Variants in PACRG observed in about 807,000 individuals in gnomAD.
PACRG encodes parkin coregulated, also known as parkin coregulated gene protein.
A neutral mutation model predicts 29.7 loss-of-function variants in PACRG; 29 were observed. The observed-to-expected ratio is 0.98, with a 90% confidence interval of 0.73 to 1.33. The LOEUF is 1.33. Ranked by LOEUF, PACRG falls within the 40% of genes most tolerant of loss-of-function variation. The pLI, the probability that PACRG is intolerant of heterozygous loss-of-function variation, is 0.00. For missense variants in PACRG, 279 were observed against 316.2 expected (o/e 0.88, Z 0.89); for synonymous variants, 116 against 118.7 (o/e 0.98, Z 0.15).
At chr6:163,048,805 AG>A (rs1206145396) in intron 2 of PACRG, among the ~76,000 whole-genome samples, 1 of 152,156 alleles carries the variant, frequency 6.6e-6, no homozygotes, top group East Asian at 1.9e-4. Context: ...GCTATCTTTT[AG>A]TTAATGATTT....
chr6:162,860,375 A>G (rs1278012286), intron 2 of PACRG, among the ~76,000 whole-genome samples: 1 of 152,216 alleles, frequency 6.6e-6, no homozygotes, highest in African/African-American at 2.4e-5. Flanking sequence ...AAAATGGTAC[A>G]GAAAAACGGG....
At chr6:162,805,758 C>A (rs1479387801) in intron 1 of PACRG, among the ~76,000 whole-genome samples, 1 of 152,148 alleles carries the variant, frequency 6.6e-6, no homozygotes, top group African/African-American at 2.4e-5. Flanking sequence ...CCTCAAGAAA[C>A]TACTTTCTTT....
In PACRG at chr6:163,057,891, G is replaced by T. The variant is rs1585112981; in HGVS notation, c.292-4259G>T. On this transcript the variant is annotated intron_variant, in intron 2 of 4. Coordinates refer to ENST00000366888, the MANE Select transcript of PACRG (RefSeq NM_001080379.2). The stretch of plus-strand genomic sequence containing the variant: ...CAAGGTACTAGGCCAGTCTTTCCTA[G>T]AAAGAATTTATAAAGTCAACCTCCA... Among the ~76,000 whole-genome samples the T allele has an allele frequency of 1.3e-5, 2 of 152,300 alleles. 1 individual carries two copies. Among genetic ancestry groups the T allele is most frequent in the South Asian group, 4.1e-4 (2 of 4,828 alleles).
upstream of PACRG, chr6:162,727,613 G>C (rs1399051928): frequency 6.4e-7 from 1 of 1,559,274 alleles, no homozygotes; most frequent in African/African-American, 1.4e-5. Context: ...GCGCCATACC[G>C]GGGCGTGGGG....
chr6:162,825,048 T>C (rs1009097613), intron 2 of PACRG, among the ~76,000 whole-genome samples: 2 of 152,178 alleles, frequency 1.3e-5, no homozygotes, highest in African/African-American at 4.8e-5. Context: ...GCTGACACTT[T>C]TGTTTTTCTT....
chr6:163,101,131 A>G (rs1488842155), intron 4 of PACRG: 1 of 983,326 alleles, frequency 1.0e-6, no homozygotes, highest in East Asian at 1.1e-4. Context: ...GATTTTGCAT[A>G]CCAATTACAA....
intron 4 of PACRG, among the ~76,000 whole-genome samples, chr6:163,186,426 C>T (rs1185119061): frequency 1.3e-5 from 2 of 151,874 alleles, no homozygotes; most frequent in African/African-American, 4.8e-5. Context: ...CACACACACG[C>T]AGACACAGAC....
chr6:162,940,728 C>A (rs1798559077), intron 2 of PACRG, among the ~76,000 whole-genome samples: 1 of 152,116 alleles, frequency 6.6e-6, no homozygotes, highest in Non-Finnish European at 1.5e-5. Context: ...GCTTTTTCTG[C>A]TTCGGGTTTG....
chr6:162,757,594 G>C (rs1782027872), intron 1 of PACRG, among the ~76,000 whole-genome samples: 1 of 152,150 alleles, frequency 6.6e-6, no homozygotes, highest in South Asian at 2.1e-4. Context: ...TGTAATCCCA[G>C]CTACTTGGGA....
At chr6:163,196,960 T>TAGAC (rs749410265) in intron 4 of PACRG, among the ~76,000 whole-genome samples, 3,370 of 149,360 alleles carry the variant, frequency 0.023, 133 homozygotes, top group African/African-American at 0.052. Context: ...GATAGATAGA[T>TAGAC]AGATAGATAG....
upstream of PACRG, chr6:162,727,791 G>T: frequency 1.8e-6 from 2 of 1,082,982 alleles, no homozygotes; most frequent in South Asian, 1.4e-5. Context: ...CCCCGCGCCC[G>T]GCCCTAGGAA....
At chr6:162,899,534 T>G (rs984395742) in intron 2 of PACRG, among the ~76,000 whole-genome samples, 1 of 152,292 alleles carries the variant, frequency 6.6e-6, no homozygotes, top group Non-Finnish European at 1.5e-5. Flanking sequence ...CAGGTAGGCA[T>G]TCGGGAAGCA....
chr6:163,270,007 G>GAAAGAAA (rs1409478187), intron 4 of PACRG, among the ~76,000 whole-genome samples: 5 of 84,208 alleles, frequency 5.9e-5, no homozygotes, highest in East Asian at 3.2e-4. Context: ...AAGAAAGAAA[G>GAAAGAAA]GAGGGAGGGA....
chr6:163,013,262 G>GTTTATTTATTTATTTATTTATTTATTTA lies in PACRG; in HGVS notation c.292-48884_292-48857dup, dbSNP rs145596005. ...AACCTGGATGGTAATTTGACTTAAA[G>GTTTATTTATTTATTTATTTATTTATTTA]TTTATTTATTTATTTATTTATTTAT... On this transcript the variant is annotated intron_variant, in intron 2 of 4. Coordinates refer to ENST00000366888, the MANE Select transcript of PACRG (RefSeq NM_001080379.2). 2.8e-3 allele frequency among the ~76,000 whole-genome samples: 424 copies of GTTTATTTATTTATTTATTTATTTATTTA among 150,176 alleles called. 3 individuals carry two copies. The highest frequency in any genetic ancestry group is 9.9e-3 in the African/African-American group (402 of 40,656).
intron 4 of PACRG, among the ~76,000 whole-genome samples, chr6:163,254,288 T>C (rs908567445): frequency 2.0e-5 from 3 of 152,130 alleles, no homozygotes; most frequent in South Asian, 2.1e-4. Flanking sequence ...ACCAAAAATA[T>C]GCGCCTGAAA....
intron 2 of PACRG, among the ~76,000 whole-genome samples, chr6:162,877,777 C>T (rs1328095736): frequency 6.6e-6 from 1 of 152,088 alleles, no homozygotes; most frequent in Non-Finnish European, 1.5e-5. Context: ...AATGGCATCC[C>T]TCTTCTTGTC....
chr6:162,877,567 C>T (rs192261278), intron 2 of PACRG, among the ~76,000 whole-genome samples: 133 of 147,006 alleles, frequency 9.0e-4, no homozygotes, highest in African/African-American at 3.2e-3. Flanking sequence ...ACATGTATCC[C>T]AGAACTTAAA....
At chr6:162,838,576 C>A (rs1789452632) in intron 2 of PACRG, among the ~76,000 whole-genome samples, 1 of 151,932 alleles carries the variant, frequency 6.6e-6, no homozygotes, top group Non-Finnish European at 1.5e-5. Flanking sequence ...GTTATTAGAA[C>A]CCCCTTATTA....
At position 162,743,333 on chromosome 6, in the gene PACRG, A is replaced by G. The variant is rs190195033; in HGVS notation, c.156+14942A>G. On this transcript the variant is annotated intron_variant, in intron 1 of 4. Coordinates refer to ENST00000366888, the MANE Select transcript of PACRG (RefSeq NM_001080379.2). ...CTTATGTAGAGTCTTAAGAAAATAC[A>G]TAAAAGAGAAAAGATAAATCTCAAA... is the stretch of plus-strand genomic sequence containing the variant. Among the ~76,000 whole-genome samples, 74 of 152,340 alleles carry G rather than the reference A, an allele frequency of 4.9e-4. 1 individual carries two copies. Among genetic ancestry groups the G allele is most frequent in the African/African-American group, 1.7e-3 (72 of 41,592 alleles).
Sources: gnomAD v4.1 joint callset for allele counts (sites outside exome capture counted in the v4.1 genomes callset) on GRCh38, gnomAD v4.1.1 for gene constraint, MANE v1.5 for transcripts, NCBI Gene and HGNC (gene_info 2026-07-23, HGNC 2026-07-21) for gene names.